The following DLGAP2 variants were observed in gnomAD, a reference collection of about 807,000 sequenced individuals.
DLGAP2 encodes disks large-associated protein 2.
Under a neutral mutation model 100.3 loss-of-function variants are expected in DLGAP2, and 26 were observed. That is an observed-to-expected ratio of 0.26 (90% confidence interval 0.19 to 0.36). The LOEUF (loss-of-function observed/expected upper bound fraction) is 0.36. Ranked by LOEUF, DLGAP2 falls within the 10% of genes least tolerant of loss-of-function variation. The pLI, the probability that DLGAP2 is intolerant of heterozygous loss-of-function variation, is 1.00. For missense variants in DLGAP2, 1,858 were observed against 1,453.2 expected (o/e 1.28, Z -4.53); for synonymous variants, 886 against 630.1 (o/e 1.41, Z -6.08).
chr8:1,159,584 T>TATTTC (rs10667056), intron 2 of DLGAP2, among the ~76,000 whole-genome samples: 1 of 151,680 alleles, frequency 6.6e-6, no homozygotes, highest in African/African-American at 2.4e-5. Context: ...CTCTTCTGTG[T>TATTTC]ATTTTTCTAT....
chr8:1,425,619 C>A (rs778899388), intron 3 of DLGAP2, among the ~76,000 whole-genome samples: 69 of 152,324 alleles, frequency 4.5e-4, no homozygotes, highest in Non-Finnish European at 7.3e-4. Context: ...GGCGCATGAT[C>A]CACATGGTCT....
chr8:771,574 T>G (rs886205003), intron 1 of DLGAP2, among the ~76,000 whole-genome samples: 1 of 152,198 alleles, frequency 6.6e-6, no homozygotes, highest in Non-Finnish European at 1.5e-5. Flanking sequence ...CAGTTCCAAA[T>G]TAAAAGGCTG....
chr8:1,275,850 T>A (rs1188643210), intron 3 of DLGAP2, among the ~76,000 whole-genome samples: 6 of 120,492 alleles, frequency 5.0e-5, no homozygotes, highest in Non-Finnish European at 8.0e-5. Flanking sequence ...TATATAAATA[T>A]ATATAATATA....
intron 2 of DLGAP2, among the ~76,000 whole-genome samples, chr8:1,213,616 G>A (rs894413818): frequency 3.9e-5 from 6 of 152,110 alleles, no homozygotes; most frequent in Non-Finnish European, 5.9e-5. Context: ...GGTAAGCAGC[G>A]TTCATGCATT....
At chr8:1,409,271 T>C (rs1422227899) in intron 3 of DLGAP2, among the ~76,000 whole-genome samples, 1 of 144,518 alleles carries the variant, frequency 6.9e-6, no homozygotes, top group Non-Finnish European at 1.5e-5. Context: ...CACAGAATTG[T>C]CTAGACCAGC....
intron 1 of DLGAP2, chr8:738,130 T>G: frequency 1.2e-5 from 2 of 168,080 alleles, no homozygotes; most frequent in Non-Finnish European, 2.5e-5. Flanking sequence ...TGTGAAATTC[T>G]CCGCTCTGCC....
chr8:873,173 A>G (rs911505346), intron 1 of DLGAP2, among the ~76,000 whole-genome samples: 2 of 152,222 alleles, frequency 1.3e-5, no homozygotes, highest in African/African-American at 4.8e-5. Context: ...CTGATTCTCT[A>G]TATTGACCTC....
At chr8:1,411,854 G>A (rs926770462) in intron 3 of DLGAP2, among the ~76,000 whole-genome samples, 5 of 152,188 alleles carry the variant, frequency 3.3e-5, no homozygotes, top group East Asian at 1.9e-4. Flanking sequence ...ATGAGCCGTC[G>A]TGTGGGCCCT....
chr8:986,402 G>GTTTATTACATAGGTATTCAT (rs1800488862), intron 2 of DLGAP2, among the ~76,000 whole-genome samples: 2 of 152,226 alleles, frequency 1.3e-5, no homozygotes, highest in Admixed American at 1.3e-4. Flanking sequence ...CATGTGCCAG[G>GTTTATTACATAGGTATTCAT]GTGGTTGCAA....
At chr8:757,267 T>G (rs922297086) in intron 1 of DLGAP2, among the ~76,000 whole-genome samples, 1 of 152,214 alleles carries the variant, frequency 6.6e-6, no homozygotes, top group Admixed American at 6.5e-5. Context: ...GTTATCCACT[T>G]TACATTTATA....
chr8:1,553,993 A>G (rs1283590501), intron 5 of DLGAP2, among the ~76,000 whole-genome samples: 1 of 152,216 alleles, frequency 6.6e-6, no homozygotes, highest in Non-Finnish European at 1.5e-5. Flanking sequence ...AGCATTTAAA[A>G]GGCTTGTCAC....
intron 6 of DLGAP2, among the ~76,000 whole-genome samples, chr8:1,617,233 G>T (rs1797184627): frequency 6.6e-6 from 1 of 152,198 alleles, no homozygotes; most frequent in Non-Finnish European, 1.5e-5. Flanking sequence ...CTTCCTTTGT[G>T]TGTATACACA....
At chr8:1,433,046 A>G (rs981385567) in intron 3 of DLGAP2, among the ~76,000 whole-genome samples, 6 of 152,104 alleles carry the variant, frequency 3.9e-5, no homozygotes, top group Non-Finnish European at 5.9e-5. Context: ...GATTCTGCCA[A>G]GTTTTAGTCC....
intron 2 of DLGAP2, among the ~76,000 whole-genome samples, chr8:1,046,476 C>T (rs1024995850): frequency 2.0e-5 from 3 of 152,108 alleles, no homozygotes; most frequent in Admixed American, 6.6e-5. Flanking sequence ...TGATTCAAAC[C>T]TTTTCTGCTG....
At chr8:1,215,200 C>A (rs1041798114) in intron 2 of DLGAP2, among the ~76,000 whole-genome samples, 1 of 152,140 alleles carries the variant, frequency 6.6e-6, no homozygotes, top group Non-Finnish European at 1.5e-5. Flanking sequence ...TAAACGAAAT[C>A]CCAAATATCA....
chr8:1,204,499 G>A (rs914799127), intron 2 of DLGAP2, among the ~76,000 whole-genome samples: 5 of 152,174 alleles, frequency 3.3e-5, no homozygotes, highest in South Asian at 2.1e-4. Flanking sequence ...TCATCTATTC[G>A]ATCTTAGTTT....
intron 1 of DLGAP2, among the ~76,000 whole-genome samples, chr8:878,255 C>A (rs1797721588): frequency 6.6e-6 from 1 of 152,056 alleles, no homozygotes; most frequent in Non-Finnish European, 1.5e-5. Flanking sequence ...GAAACAAATT[C>A]TTTTAGGAGA....
intron 3 of DLGAP2, among the ~76,000 whole-genome samples, chr8:1,479,461 C>CTAA (rs1372768486): frequency 6.6e-6 from 1 of 152,158 alleles, no homozygotes; most frequent in Non-Finnish European, 1.5e-5. Flanking sequence ...CATTTAGCCA[C>CTAA]TAATTAATTG....
chr8:1,425,802 T>G (rs1161056997), intron 3 of DLGAP2, among the ~76,000 whole-genome samples: 1 of 152,044 alleles, frequency 6.6e-6, no homozygotes, highest in East Asian at 1.9e-4. Context: ...GCCCAGGGGA[T>G]GTCAGGGCCC....
Sources: allele counts gnomAD v4.1 joint callset (sites outside exome capture counted in the v4.1 genomes callset), GRCh38; gene constraint gnomAD v4.1.1; transcripts MANE v1.5; gene names NCBI Gene and HGNC (gene_info 2026-07-23, HGNC 2026-07-21).